Variants in MYBPC2 observed in about 807,000 individuals in gnomAD.
The protein encoded by MYBPC2 is myosin binding protein C2.
MYBPC2 carries 122 observed loss-of-function variants against 137.0 expected under a neutral mutation model. The observed-to-expected ratio is 0.89, with a 90% CI of 0.77 to 1.03. MYBPC2 has a LOEUF of 1.03. MYBPC2 is among the 50% of genes least tolerant of loss of function. The probability of loss-of-function intolerance (pLI) is 0.00; values close to 1 mark genes in which losing one functional copy is unlikely to be tolerated. For synonymous variants in MYBPC2, 626 were observed against 612.3 expected (o/e 1.02, Z -0.33); for missense variants, 1,500 against 1,534.4 (o/e 0.98, Z 0.37).
chr19:50,447,612 C>T (rs900749998), intron 12 of MYBPC2, among the ~76,000 whole-genome samples: 1 of 152,100 alleles, frequency 6.6e-6, no homozygotes, highest in Non-Finnish European at 1.5e-5. Context: ...AATCCCAGCA[C>T]TTCGGGAGGC....
intron 20 of MYBPC2, 52 bp from the exon 21 acceptor site, chr19:50,458,535 G>A (rs968844519): frequency 6.3e-7 from 1 of 1,590,198 alleles, no homozygotes; most frequent in African/African-American, 1.3e-5. Context: ...AGAAACGGGA[G>A]CGGAGGATGG....
Position 50,464,519 on chromosome 19 carries a change from G to C in MYBPC2, c.3402G>C (p.Lys1134Asn), listed in dbSNP as rs1321596039. ...TGGGCGAGGCGCTGGCTGAGTGCAA[G>C]CTGGAGGTCCGAGGTGAGGGCGTGG... ...NELGEALAEC[K>N]LEVRVPQ The change falls in exon 27 of 28, where the codon AAG (lysine) becomes AAC (asparagine). Residue 1134 changes from lysine to asparagine, a missense_variant. Coordinates refer to ENST00000357701, the MANE Select transcript of MYBPC2 (RefSeq NM_004533.4). 1 of 1,609,314 alleles carries C rather than the reference G, an allele frequency of 6.2e-7. No homozygotes were observed. Among genetic ancestry groups the C allele is most frequent in the South Asian group, 1.1e-5 (1 of 90,568 alleles).
In MYBPC2 at chr19:50,450,862, C is replaced by G. The variant is rs752738768; in HGVS notation, c.1506C>G (p.Pro502=). The G allele has an allele frequency of 3.2e-6, 5 of 1,578,896 alleles. No homozygotes were observed. The highest frequency in any genetic ancestry group is 2.3e-5 in the South Asian group (2 of 85,638). The change falls in exon 14 of 28, where the codon CCC becomes CCG. Residue 502 remains proline, a synonymous_variant. Coordinates refer to ENST00000357701, the MANE Select transcript of MYBPC2 (RefSeq NM_004533.4). ...FHKLVIDDVR[P]EDEGDYTFVP... ...AGCTGGTGATCGATGACGTCCGCCC[C>G]GAGGATGAGGGAGACTACACGTTTG...
At chr19:50,444,603 G>A (rs925883943) in intron 11 of MYBPC2, among the ~76,000 whole-genome samples, 2 of 152,076 alleles carry the variant, frequency 1.3e-5, no homozygotes, top group South Asian at 4.1e-4. Context: ...CAACATGGCC[G>A]GGCGCGGTGG....
At position 50,435,066 on chromosome 19, in the gene MYBPC2, G is replaced by A. The variant is rs542461818; in HGVS notation, c.20-95G>A. On this transcript the variant is annotated intron_variant, in intron 1 of 27. Coordinates refer to ENST00000357701, the MANE Select transcript of MYBPC2 (RefSeq NM_004533.4). The surrounding 1 kb of genome is among the most constrained non-coding windows in gnomAD (Gnocchi z 4.8). The stretch of plus-strand genomic sequence containing the variant: ...GGGGGCCTGGACTCCTGGGTCTGAG[G>A]GAGGAGGGGCTGGGGGGTCTGGACT... The A allele has an allele frequency of 1.4e-6, 1 of 699,770 alleles. No individual in the cohort carries two copies. The allele number at this position is 699,770 out of a possible 1,614,324, so 43.3% of individuals were successfully genotyped here. A position where few individuals can be genotyped will look rare whatever the true frequency, so the allele number is the denominator to read the frequency against.
At chr19:50,453,877 GC>G (rs1426547240) in intron 16 of MYBPC2, 142 bp from the exon 17 acceptor site, 1 of 931,898 alleles carries the variant, frequency 1.1e-6, no homozygotes, top group Admixed American at 2.8e-5. Context: ...CATTTGGAGG[GC>G]GAGGAGGGCA....
chr19:50,438,932 A>G (rs1421194350), intron 7 of MYBPC2, among the ~76,000 whole-genome samples: 1 of 152,052 alleles, frequency 6.6e-6, no homozygotes, highest in African/African-American at 2.4e-5. Flanking sequence ...CCACTTATCC[A>G]TCTTCACTTG....
At position 50,465,002 on chromosome 19, in the gene MYBPC2, C is replaced by T. The variant is rs1184990115; in HGVS notation, c.3415+470C>T. Among the ~76,000 whole-genome samples, 1 of 152,080 alleles carries T rather than the reference C, an allele frequency of 6.6e-6. No individual in the cohort carries two copies. The highest frequency in any genetic ancestry group is 1.5e-5 in the Non-Finnish European group (1 of 67,998). On this transcript the variant is annotated intron_variant, in intron 27 of 27. Coordinates refer to ENST00000357701, the MANE Select transcript of MYBPC2 (RefSeq NM_004533.4). The surrounding 1 kb of genome is among the most constrained non-coding windows in gnomAD (Gnocchi z 4.5). Reference sequence around the variant, plus strand: ...GTCCCTCATCTCGGTCCCACAGCTCCAGCCCCAGCGAAAGCTACATCCTCT... The same window carrying T: ...GTCCCTCATCTCGGTCCCACAGCTCTAGCCCCAGCGAAAGCTACATCCTCT...
chr19:50,442,254 C>T lies in MYBPC2; in HGVS notation c.843C>T (p.Ser281=), dbSNP rs202126383. ...AGATCAAGTTGATGGTAGAGATCAG[C>T]GACCCAGACCTGACCCTCAAGTGGT... ...GNKIKLMVEI[S]DPDLTLKWFK... is the part of the protein sequence containing the mutation. The change falls in exon 9 of 28, where the codon AGC becomes AGT. Residue 281 remains serine, a synonymous_variant. Coordinates refer to ENST00000357701, the MANE Select transcript of MYBPC2 (RefSeq NM_004533.4). The T allele has an allele frequency of 5.4e-4, 863 of 1,605,416 alleles. 6 individuals carry two copies. Among genetic ancestry groups the T allele is most frequent in the Middle Eastern group, 6.6e-4 (4 of 6,056 alleles).
intron 4 of MYBPC2, 81 bp downstream of exon 4, chr19:50,436,241 G>A (rs2039702707): frequency 6.7e-7 from 1 of 1,502,406 alleles, no homozygotes; most frequent in Non-Finnish European, 8.9e-7. Flanking sequence ...CCTGTTGCCT[G>A]AGGCATCAAT....
chr19:50,434,697 C>A (rs761586112), intron 1 of MYBPC2, among the ~76,000 whole-genome samples: 1 of 152,190 alleles, frequency 6.6e-6, no homozygotes. Flanking sequence ...ATGTCTGGTC[C>A]GCTGGCATCA....
intron 1 of MYBPC2, among the ~76,000 whole-genome samples, chr19:50,433,412 G>GTT (rs10673735): frequency 0.41 from 58,961 of 144,200 alleles, 12,299 homozygotes; most frequent in East Asian, 0.52. Context: ...TTGGTTTTTG[G>GTT]TTTTTTTTTT....
Position 50,465,361 on chromosome 19 carries a change from G to A in MYBPC2, c.3415+829G>A, listed in dbSNP as rs546012289. On this transcript the variant is annotated intron_variant, in intron 27 of 27. Transcript: ENST00000357701. This position sits in a 1 kb window ranked among gnomAD's most constrained non-coding sequence, Gnocchi z 4.5. Reference sequence around the variant, plus strand: ...CCCCCGCTCCTTTACCCTGGGCTCCGGCCCATCAGATGTCTGCCAGTCAAG... The same window carrying A: ...CCCCCGCTCCTTTACCCTGGGCTCCAGCCCATCAGATGTCTGCCAGTCAAG... 3.3e-5 allele frequency among the ~76,000 whole-genome samples: 5 copies of A among 152,256 alleles called. No individual in the cohort carries two copies. Among genetic ancestry groups the A allele is most frequent in the Non-Finnish European group, 5.9e-5 (4 of 68,016 alleles).
intron 7 of MYBPC2, among the ~76,000 whole-genome samples, chr19:50,438,314 G>A (rs1237214111): frequency 6.6e-6 from 1 of 152,196 alleles, no homozygotes; most frequent in Non-Finnish European, 1.5e-5. Context: ...GTTGGATTTG[G>A]TTGGGAGATG....
chr19:50,459,788 C>G (rs570603968), intron 23 of MYBPC2, among the ~76,000 whole-genome samples: 1 of 124,400 alleles, frequency 8.0e-6, no homozygotes, highest in Non-Finnish European at 1.6e-5. Flanking sequence ...ATGGGGGAAC[C>G]CTTGAGAGGG....
At chr19:50,464,898 G>A (rs904691065) in intron 27 of MYBPC2, among the ~76,000 whole-genome samples, 4 of 152,116 alleles carry the variant, frequency 2.6e-5, no homozygotes, top group Non-Finnish European at 5.9e-5. Flanking sequence ...GACCAGGGGT[G>A]GCGGGAGCTC....
intron 26 of MYBPC2, 113 bp downstream of exon 26, chr19:50,462,149 A>C: frequency 7.1e-7 from 1 of 1,400,588 alleles, no homozygotes; most frequent in Non-Finnish European, 9.4e-7. Context: ...CTCTGTCTCA[A>C]GGGATTTAGT....
At position 50,462,016 on chromosome 19, in the gene MYBPC2, G is replaced by C; in HGVS notation, c.3208G>C (p.Ala1070Pro). The stretch of plus-strand genomic sequence containing the variant: ...TGGGTACTCGGCAGCCCTCAACTGT[G>C]CTGTCAGAGGCCACCCGAAGGTGCC... The part of the protein sequence containing the change: ...VAGYSAALNC[A>P]VRGHPKPKVV... The change falls in exon 26 of 28, where the codon GCT becomes CCT. Residue 1070 changes from alanine (A) to proline (P), a missense_variant. By Grantham distance (27) the Ala-to-Pro change is conservative. Transcript: ENST00000357701. The C allele has an allele frequency of 1.3e-6, 2 of 1,571,578 alleles. No homozygotes were observed. The highest frequency in any genetic ancestry group is 1.7e-6 in the Non-Finnish European group (2 of 1,158,528).
At chr19:50,464,214 G>C in intron 26 of MYBPC2, 132 bp from the exon 27 acceptor site, 1 of 762,088 alleles carries the variant, frequency 1.3e-6, no homozygotes, top group Admixed American at 2.9e-5. Context: ...TCAGGGAGAA[G>C]TGACTCGTCC....
Sources: allele counts gnomAD v4.1 joint callset (sites outside exome capture counted in the v4.1 genomes callset), GRCh38; gene constraint gnomAD v4.1.1; non-coding constraint Gnocchi (gnomAD v3.1); transcripts MANE v1.5; gene names NCBI Gene and HGNC (gene_info 2026-07-23, HGNC 2026-07-21).